The following GRM8 variants were observed in gnomAD, a reference collection of about 807,000 sequenced individuals.
GRM8 encodes the protein metabotropic glutamate receptor 8.
A neutral mutation model predicts 87.2 loss-of-function variants in GRM8; 47 were observed. That is an observed-to-expected ratio of 0.54 (90% CI 0.43 to 0.69). The LOEUF is 0.69. Ranked by LOEUF, GRM8 falls within the 30% of genes least tolerant of loss-of-function variation. The pLI, the probability that GRM8 is intolerant of heterozygous loss-of-function variation, is 0.00. For synonymous variants in GRM8, 396 were observed against 404.5 expected, an observed-to-expected ratio of 0.98 and a Z score of 0.25; for missense variants, 1,019 against 1,139.2, an observed-to-expected ratio of 0.89 and a Z score of 1.52.
chr7:127,121,702 A>G (rs1237968718), intron 2 of GRM8, among the ~76,000 whole-genome samples: 1 of 152,144 alleles, frequency 6.6e-6, no homozygotes, highest in Admixed American at 6.5e-5. Context: ...GGGGTGAGGG[A>G]GAGAGAGTGC....
At chr7:126,684,617 T>C (rs1446173169) in intron 7 of GRM8, among the ~76,000 whole-genome samples, 1 of 152,152 alleles carries the variant, frequency 6.6e-6, no homozygotes, top group Non-Finnish European at 1.5e-5. Context: ...AGGAGTATAA[T>C]GGAGTTGCAT....
intron 9 of GRM8, among the ~76,000 whole-genome samples, chr7:126,495,888 C>T (rs1184038833): frequency 6.6e-6 from 1 of 151,946 alleles, no homozygotes; most frequent in Non-Finnish European, 1.5e-5. Context: ...TCCAATCTCA[C>T]TAGGCATACG....
intron 9 of GRM8, among the ~76,000 whole-genome samples, chr7:126,504,215 T>A (rs1008432848): frequency 6.6e-6 from 1 of 152,068 alleles, no homozygotes; most frequent in African/African-American, 2.4e-5. Flanking sequence ...TTTATAATTA[T>A]CAAATGTTTT....
At chr7:126,643,851 C>G (rs1476034468) in intron 7 of GRM8, among the ~76,000 whole-genome samples, 1 of 152,242 alleles carries the variant, frequency 6.6e-6, no homozygotes, top group African/African-American at 2.4e-5. Context: ...AGGTCAAGAT[C>G]AGAAGCACAG....
chr7:126,832,265 G>C (rs1795464311), intron 6 of GRM8, among the ~76,000 whole-genome samples: 1 of 151,888 alleles, frequency 6.6e-6, no homozygotes, highest in Admixed American at 6.6e-5. Flanking sequence ...CTGTGATCTA[G>C]AATGACAATA....
intron 3 of GRM8, among the ~76,000 whole-genome samples, chr7:126,921,241 G>C (rs1187563248): frequency 6.6e-6 from 1 of 152,140 alleles, no homozygotes; most frequent in Admixed American, 6.6e-5. Flanking sequence ...GCAAGAAGAA[G>C]CTCCTAGAAA....
chr7:126,518,121 C>T (rs1800563134), intron 9 of GRM8, among the ~76,000 whole-genome samples: 1 of 151,890 alleles, frequency 6.6e-6, no homozygotes, highest in African/African-American at 2.4e-5. Context: ...GCCATTGAGG[C>T]AGAGCAATTT....
intron 8 of GRM8, among the ~76,000 whole-genome samples, chr7:126,562,459 T>C (rs1299518319): frequency 1.3e-5 from 2 of 152,206 alleles, no homozygotes; most frequent in African/African-American, 2.4e-5. Flanking sequence ...TCTATTATAT[T>C]GAGGTTCAAA....
At chr7:126,652,768 C>T (rs928523893) in intron 7 of GRM8, among the ~76,000 whole-genome samples, 1 of 152,090 alleles carries the variant, frequency 6.6e-6, no homozygotes, top group Non-Finnish European at 1.5e-5. Flanking sequence ...GAGTTAATTC[C>T]TTAATAAACT....
intron 6 of GRM8, among the ~76,000 whole-genome samples, chr7:126,844,055 A>T (rs531442760): frequency 6.6e-6 from 1 of 152,372 alleles, no homozygotes; most frequent in East Asian, 1.9e-4. Flanking sequence ...GATTAACAAT[A>T]GCCAAGCAGA....
chr7:126,577,460 TATA>T lies in GRM8; in HGVS notation c.1494+31899_1494+31901del, dbSNP rs369704164. On this transcript the variant is annotated intron_variant, in intron 8 of 10. Transcript: ENST00000339582. The stretch of plus-strand genomic sequence containing the variant: ...TAACAAAATTTCCCTCTAACTTTAG[TATA>T]ATATTTCAAGGACAACGAAATACAA... Among the ~76,000 whole-genome samples, 54 of 152,248 alleles carry T rather than the reference TATA, an allele frequency of 3.5e-4. No homozygotes were observed. In the East Asian group the frequency reaches 8.9e-3, roughly 25 times the overall value.
intron 8 of GRM8, among the ~76,000 whole-genome samples, chr7:126,576,056 C>T (rs1457966799): frequency 6.6e-6 from 1 of 152,138 alleles, no homozygotes. Context: ...AGTCTCTGAG[C>T]TTTGGTTTCC....
rs146881415 is a variant in GRM8 at position 126,623,626 on chromosome 7, C to A, written c.1358-14128G>T. The stretch of plus-strand genomic sequence containing the variant: ...AGGCCCACTGCTGAGCCTTTCTCAT[C>A]TGGCCTCCTCTTCAACTGGACTGAA... On this transcript the variant is annotated intron_variant, in intron 7 of 10. Coordinates refer to ENST00000339582, the MANE Select transcript of GRM8 (RefSeq NM_000845.3). Among the ~76,000 whole-genome samples, 34 of 152,356 alleles carry A rather than the reference C, an allele frequency of 2.2e-4. 1 individual carries two copies. In the East Asian group the frequency reaches 6.2e-3, roughly 28 times the overall value.
chr7:127,034,558 A>G (rs1341377512), intron 3 of GRM8, among the ~76,000 whole-genome samples: 2 of 152,096 alleles, frequency 1.3e-5, no homozygotes, highest in Admixed American at 6.6e-5. Context: ...TCATATCCAG[A>G]CCTAAATGGC....
chr7:126,932,108 T>G (rs13224055), intron 3 of GRM8, among the ~76,000 whole-genome samples: 23,445 of 152,226 alleles, frequency 0.15, 2,068 homozygotes, highest in Non-Finnish European at 0.21. Context: ...CTAGCATCTC[T>G]AAAAGATGGC....
chr7:126,671,613 C>T (rs1205420463), intron 7 of GRM8, among the ~76,000 whole-genome samples: 1 of 152,200 alleles, frequency 6.6e-6, no homozygotes, highest in Non-Finnish European at 1.5e-5. Flanking sequence ...TCCCCAGCTG[C>T]AGCTCAGAAA....
intron 2 of GRM8, among the ~76,000 whole-genome samples, chr7:127,242,309 T>C (rs897884567): frequency 5.9e-5 from 9 of 152,204 alleles, no homozygotes; most frequent in South Asian, 2.1e-4. Flanking sequence ...GTAAATTAAA[T>C]AGCTCAAATA....
At chr7:127,131,380 C>G (rs1827678147) in intron 2 of GRM8, among the ~76,000 whole-genome samples, 1 of 152,194 alleles carries the variant, frequency 6.6e-6, no homozygotes, top group South Asian at 2.1e-4. Context: ...GACCAAGGGA[C>G]AGACAACAAA....
intron 3 of GRM8, among the ~76,000 whole-genome samples, chr7:126,925,543 A>T (rs1005971334): frequency 1.3e-5 from 2 of 151,954 alleles, no homozygotes; most frequent in African/African-American, 2.4e-5. Flanking sequence ...AAAAATTTCT[A>T]AAAAAAATAT....
Sources: allele counts gnomAD v4.1 joint callset (sites outside exome capture counted in the v4.1 genomes callset), GRCh38; gene constraint gnomAD v4.1.1; transcripts MANE v1.5; gene names NCBI Gene and HGNC (gene_info 2026-07-23, HGNC 2026-07-21).